GRIK2: variants seen among roughly 807,000 people sequenced by gnomAD.
The protein encoded by GRIK2 is glutamate receptor ionotropic, kainate 2.
Under a neutral mutation model 100.3 loss-of-function variants are expected in GRIK2, and 32 were observed. The observed-to-expected ratio is 0.32, with a 90% confidence interval of 0.24 to 0.43. GRIK2 has a LOEUF of 0.43. Among genes scored for constraint, GRIK2 ranks in the 20% least tolerant of loss-of-function variants. The probability of loss-of-function intolerance (pLI) is 1.00; values close to 1 mark genes in which losing one functional copy is unlikely to be tolerated. For synonymous variants in GRIK2, 417 were observed against 389.4 expected (o/e 1.07, Z -0.83); for missense variants, 843 against 1,114.9 (o/e 0.76, Z 3.47).
At chr6:101,710,610 T>C (rs1367183270) in intron 7 of GRIK2, among the ~76,000 whole-genome samples, 1 of 151,806 alleles carries the variant, frequency 6.6e-6, no homozygotes, top group Non-Finnish European at 1.5e-5. Flanking sequence ...GGTTTGTTTA[T>C]TTGGGGCTGG....
chr6:101,917,721 C>A (rs1423937199), intron 12 of GRIK2, among the ~76,000 whole-genome samples: 9 of 151,000 alleles, frequency 6.0e-5, no homozygotes, highest in Non-Finnish European at 1.3e-4. Flanking sequence ...TCAAAATATT[C>A]TTTTTTCCCC....
chr6:101,775,523 GTATATATATGTATATATA>G (rs1246347507), intron 7 of GRIK2, among the ~76,000 whole-genome samples: 7 of 2,948 alleles, frequency 2.4e-3, no homozygotes, highest in African/African-American at 2.9e-3. Flanking sequence ...ATATATGTGT[GTATATATATGTATATATA>G]TGTGTGTGAG....
chr6:101,424,769 A>C (rs1185721695), intron 2 of GRIK2, among the ~76,000 whole-genome samples: 5 of 145,094 alleles, frequency 3.4e-5, no homozygotes, highest in African/African-American at 5.2e-5. Flanking sequence ...TCCTGTGTCC[A>C]TGTGTTCTCA....
chr6:101,898,906 C>A (rs1218931558), intron 12 of GRIK2, among the ~76,000 whole-genome samples: 1 of 151,822 alleles, frequency 6.6e-6, no homozygotes, highest in Middle Eastern at 3.2e-3. Flanking sequence ...TGCACTCTAT[C>A]CAAATAATTA....
chr6:101,809,130 T>C (rs991794092), intron 9 of GRIK2, among the ~76,000 whole-genome samples: 3 of 151,914 alleles, frequency 2.0e-5, no homozygotes, highest in African/African-American at 4.8e-5. Context: ...TTAACACTTA[T>C]GCTTTTTAAA....
intron 14 of GRIK2, among the ~76,000 whole-genome samples, chr6:101,939,297 T>C (rs1790809204): frequency 6.6e-6 from 1 of 152,050 alleles, no homozygotes; most frequent in Non-Finnish European, 1.5e-5. Context: ...CTCCCATAGA[T>C]AAATCGAGAG....
At chr6:101,726,128 A>G (rs551876852) in intron 7 of GRIK2, among the ~76,000 whole-genome samples, 30 of 152,106 alleles carry the variant, frequency 2.0e-4, no homozygotes, top group African/African-American at 7.2e-4. Flanking sequence ...GGTCTTAGGT[A>G]ATTGTAATTT....
At chr6:101,731,147 A>C (rs1027194591) in intron 7 of GRIK2, among the ~76,000 whole-genome samples, 5 of 152,056 alleles carry the variant, frequency 3.3e-5, no homozygotes. Flanking sequence ...ACTCATCTTT[A>C]GGAAGGAATA....
In GRIK2 at chr6:102,057,974, G is replaced by A. The variant is rs140479093; in HGVS notation, c.2562+2394G>A. 3.5e-3 allele frequency among the ~76,000 whole-genome samples: 530 copies of A among 151,736 alleles called. 5 individuals are homozygous for A. Among genetic ancestry groups the A allele is most frequent in the African/African-American group, 0.012 (515 of 41,442 alleles). ...AGAGCATAGCTTGTTTCTAAGAAGT[G>A]GAAGTAGATTTTCATTTCCTATTGC... On this transcript the variant is annotated intron_variant, in intron 16 of 16. Coordinates refer to ENST00000369134, the MANE Select transcript of GRIK2 (RefSeq NM_021956.5).
Position 101,929,393 on chromosome 6 carries a change from G to A in GRIK2, c.2085+761G>A, listed in dbSNP as rs565994011. 3.3e-5 allele frequency among the ~76,000 whole-genome samples: 5 copies of A among 152,052 alleles called. No individual in the cohort carries two copies. The South Asian group carries it at 1.0e-3, about 32-fold the overall frequency. On this transcript the variant is annotated intron_variant, in intron 14 of 16. Coordinates refer to ENST00000369134, the MANE Select transcript of GRIK2 (RefSeq NM_021956.5). ...GTATTTTTACAGTTTTTGTAGGTTG[G>A]GCAAATTTTAAAACATTGATATTTT...
At chr6:101,428,868 A>G (rs1297835195) in intron 2 of GRIK2, among the ~76,000 whole-genome samples, 1 of 152,088 alleles carries the variant, frequency 6.6e-6, no homozygotes, top group Non-Finnish European at 1.5e-5. Context: ...CTGCTCTTCC[A>G]CTGCATCACA....
At chr6:101,418,947 G>A (rs1274605210) in intron 2 of GRIK2, among the ~76,000 whole-genome samples, 1 of 152,078 alleles carries the variant, frequency 6.6e-6, no homozygotes, top group Non-Finnish European at 1.5e-5. Context: ...TTATTGAGTA[G>A]GCTGTTAATA....
At chr6:101,886,591 A>G (rs1300450438) in intron 11 of GRIK2, among the ~76,000 whole-genome samples, 1 of 151,752 alleles carries the variant, frequency 6.6e-6, no homozygotes, top group Admixed American at 6.6e-5. Context: ...AATATGTGTT[A>G]TTTGAATTTT....
rs193045639 is a variant in GRIK2, at chr6:101,823,121, C to T, written c.1317+4638C>T. 7.4e-4 allele frequency among the ~76,000 whole-genome samples: 112 copies of T among 152,094 alleles called. 1 individual carries two copies. Among genetic ancestry groups the T allele is most frequent in the African/African-American group, 2.4e-3 (100 of 41,516 alleles). On this transcript the variant is annotated intron_variant, in intron 10 of 16. Coordinates refer to ENST00000369134, the MANE Select transcript of GRIK2 (RefSeq NM_021956.5). The stretch of plus-strand genomic sequence containing the variant: ...GTTGGGTTTCTAGTCTCTGCACTCC[C>T]CTCATTTAGTACTTAGTTTTCTTTT...
intron 12 of GRIK2, among the ~76,000 whole-genome samples, chr6:101,896,809 G>C (rs1787475485): frequency 6.6e-6 from 1 of 151,656 alleles, no homozygotes; most frequent in South Asian, 2.1e-4. Flanking sequence ...TTTCCATTTA[G>C]AAGTTTCATA....
chr6:102,024,129 A>C (rs1769571949), intron 14 of GRIK2, among the ~76,000 whole-genome samples: 1 of 150,890 alleles, frequency 6.6e-6, no homozygotes, highest in South Asian at 2.1e-4. Context: ...CACTAAAAAA[A>C]GTGTTGGTAA....
At chr6:101,973,122 GA>G (rs1275618565) in intron 14 of GRIK2, among the ~76,000 whole-genome samples, 1 of 151,776 alleles carries the variant, frequency 6.6e-6, no homozygotes, top group African/African-American at 2.4e-5. Flanking sequence ...GTTACTAATA[GA>G]AATATGACCT....
chr6:101,669,036 G>A (rs1020024128), intron 4 of GRIK2, among the ~76,000 whole-genome samples: 4 of 152,030 alleles, frequency 2.6e-5, no homozygotes, highest in African/African-American at 9.7e-5. Context: ...CTTAGTGAAG[G>A]AATTAGAGGT....
chr6:101,734,142 A>G (rs1025348710), intron 7 of GRIK2, among the ~76,000 whole-genome samples: 1 of 152,074 alleles, frequency 6.6e-6, no homozygotes, highest in Admixed American at 6.6e-5. Context: ...TTGTTACCAA[A>G]ATCTGTATTA....
Sources: gnomAD v4.1 joint callset for allele counts (sites outside exome capture counted in the v4.1 genomes callset) on GRCh38, gnomAD v4.1.1 for gene constraint, MANE v1.5 for transcripts, NCBI Gene and HGNC (gene_info 2026-07-23, HGNC 2026-07-21) for gene names.